ITGA2: variants seen among roughly 807,000 people sequenced by gnomAD.
ITGA2 encodes integrin alpha-2.
In ITGA2, 101 loss-of-function variants were observed where a neutral mutation model predicts 146.3. The ratio of observed to expected loss-of-function variants is 0.69; its 90% CI spans 0.59 to 0.81. ITGA2 has a LOEUF of 0.81. ITGA2 is among the 40% of genes least tolerant of loss of function. ITGA2 has a pLI of 0.00. For missense variants in ITGA2, 1,281 were observed against 1,402.7 expected, an observed-to-expected ratio of 0.91 and a Z score of 1.39; for synonymous variants, 477 against 487.1, an observed-to-expected ratio of 0.98 and a Z score of 0.27.
At chr5:53,013,949 A>G (rs975346860) in intron 1 of ITGA2, among the ~76,000 whole-genome samples, 2 of 152,052 alleles carry the variant, frequency 1.3e-5, no homozygotes, top group Admixed American at 6.6e-5. Context: ...TTGTATGTCA[A>G]TCTTGTATCC....
chr5:53,055,737 T>G (rs1367477655), intron 8 of ITGA2, 49 bp downstream of exon 8: 11 of 1,599,558 alleles, frequency 6.9e-6, no homozygotes, highest in Non-Finnish European at 8.6e-6. Flanking sequence ...GGTAAATCTT[T>G]CTTTATAGCA....
chr5:53,013,292 G>T (rs1422420746), intron 1 of ITGA2, among the ~76,000 whole-genome samples: 1 of 151,564 alleles, frequency 6.6e-6, no homozygotes, highest in Non-Finnish European at 1.5e-5. Context: ...TAAGGAAGGG[G>T]TCCATTATCA....
intron 1 of ITGA2, among the ~76,000 whole-genome samples, chr5:52,993,669 G>A (rs930255306): frequency 1.3e-5 from 2 of 152,178 alleles, no homozygotes; most frequent in Non-Finnish European, 2.9e-5. Context: ...AAAGAGATGA[G>A]CTTCTCATGA....
chr5:53,074,295 ATGCCACTG>A, intron 20 of ITGA2, 82 bp from the exon 21 acceptor site: 1 of 976,950 alleles, frequency 1.0e-6, no homozygotes, highest in Non-Finnish European at 1.6e-6. Context: ...TACTGCTAAA[ATGCCACTG>A]TACCTCTTTT....
At position 53,059,924 on chromosome 5, in the gene ITGA2, T is replaced by C. The variant is rs1402256015; in HGVS notation, c.1224T>C (p.Ile408=). 1.2e-6 allele frequency: 2 copies of C among 1,612,334 alleles called. No homozygotes were observed. The highest frequency in any genetic ancestry group is 3.3e-4 in the Middle Eastern group (2 of 6,046). Residue 408 remains isoleucine (I), a synonymous_variant, in exon 11 of 30, where the codon ATT becomes ATC. Coordinates refer to ENST00000296585, the MANE Select transcript of ITGA2 (RefSeq NM_002203.4). ...GAGCTTTTGGCTGGAGTGGGACCAT[T>C]GTCCAGAAGACATCTCATGGCCATT... The part of the protein sequence containing the change: ...AVGAFGWSGT[I]VQKTSHGHLI...
intron 1 of ITGA2, among the ~76,000 whole-genome samples, chr5:53,025,299 T>A (rs1742886500): frequency 6.6e-6 from 1 of 152,186 alleles, no homozygotes; most frequent in Non-Finnish European, 1.5e-5. Context: ...TTTTTTATTA[T>A]TCAAAAATAA....
At chr5:53,018,234 T>A (rs1742495148) in intron 1 of ITGA2, among the ~76,000 whole-genome samples, 2 of 152,178 alleles carry the variant, frequency 1.3e-5, no homozygotes, top group African/African-American at 4.8e-5. Flanking sequence ...CCTTGAGGGA[T>A]GGGCGTTCTT....
At position 53,059,989 on chromosome 5, in the gene ITGA2, A is replaced by T; in HGVS notation, c.1289A>T (p.Asp430Val). Residue 430 changes from aspartate to valine, a missense_variant, in exon 11 of 30, where the codon GAC becomes GTC. By Grantham distance (152) the Asp-to-Val change is radical. This residue lies in a region of ITGA2 where 795 missense variants were observed against 841.7 expected (regional missense o/e 0.94). Transcript: ENST00000296585. ...PKQAFDQILQDRNHSSYLGYS... is the reference protein window; with the variant it reads ...PKQAFDQILQVRNHSSYLGYS... The stretch of plus-strand genomic sequence containing the variant: ...CAAGCCTTTGACCAAATTCTGCAGG[A>T]CAGAAATCACAGTTCATATTTAGGT... 1 of 1,612,286 alleles carries T rather than the reference A, an allele frequency of 6.2e-7. No homozygotes were observed. The highest frequency in any genetic ancestry group is 1.7e-5 in the Admixed American group (1 of 59,820).
intron 2 of ITGA2, among the ~76,000 whole-genome samples, chr5:53,033,511 A>G (rs11955860): frequency 0.66 from 99,736 of 151,866 alleles, 33,009 homozygotes; most frequent in South Asian, 0.71. Context: ...AAAGTCTCTT[A>G]CCATTAGGTT....
chr5:53,068,211 A>G (rs1745231437), intron 16 of ITGA2, among the ~76,000 whole-genome samples: 1 of 151,952 alleles, frequency 6.6e-6, no homozygotes, highest in Non-Finnish European at 1.5e-5. Flanking sequence ...AAGCAAAATT[A>G]GATTCAAATC....
intron 25 of ITGA2, 120 bp downstream of exon 25, chr5:53,080,741 T>G (rs1745883728): frequency 2.6e-6 from 2 of 763,248 alleles, no homozygotes; most frequent in East Asian, 5.0e-5. Flanking sequence ...CTATGCAGCC[T>G]GGGTGCCAAC....
At chr5:53,012,641 G>A (rs1027008664) in intron 1 of ITGA2, among the ~76,000 whole-genome samples, 1 of 152,098 alleles carries the variant, frequency 6.6e-6, no homozygotes, top group African/African-American at 2.4e-5. Flanking sequence ...TGGGTCAAAT[G>A]ATAATTGTGT....
In ITGA2 at chr5:53,056,017, A is replaced by G. The variant is rs765783228; in HGVS notation, c.964A>G (p.Thr322Ala). Residue 322 changes from threonine (T) to alanine (A), a missense_variant, in exon 9 of 30, where the codon ACT becomes GCT. Physicochemically the swap from Thr to Ala is moderately conservative, Grantham distance 58 (BLOSUM62 0). This residue lies in a region of ITGA2 where 795 missense variants were observed against 841.7 expected (regional missense o/e 0.94). Transcript: ENST00000296585. ...GTACTTAAACAGAAACGCCCTTGAT[A>G]CTAAAAATTTAATAAAAGAAATAAA... Reference protein sequence around the residue: ...LGYLNRNALDTKNLIKEIKAI... With the variant: ...LGYLNRNALDAKNLIKEIKAI... 7 of 1,609,256 alleles carry G rather than the reference A, an allele frequency of 4.3e-6. No individual in the cohort carries two copies. Among genetic ancestry groups the G allele is most frequent in the Non-Finnish European group, 5.9e-6 (7 of 1,178,034 alleles).
At chr5:53,028,127 T>C (rs747960726) in intron 2 of ITGA2, among the ~76,000 whole-genome samples, 34 of 152,184 alleles carry the variant, frequency 2.2e-4, no homozygotes, top group Admixed American at 6.5e-5. Context: ...TAAGCCTTTT[T>C]TTCTGTGTGA....
intron 16 of ITGA2, among the ~76,000 whole-genome samples, 170 bp from the exon 17 acceptor site, chr5:53,069,939 T>A (rs1650673667): frequency 6.6e-6 from 1 of 151,922 alleles, no homozygotes; most frequent in Admixed American, 6.6e-5. Context: ...AGAGCTAGAA[T>A]GACAAATGCT....
chr5:53,018,497 C>G (rs1295124562), intron 1 of ITGA2, among the ~76,000 whole-genome samples: 2 of 151,662 alleles, frequency 1.3e-5, no homozygotes, highest in Admixed American at 6.6e-5. Flanking sequence ...GCTTTCTCCC[C>G]CTTCAGCCCA....
At chr5:52,989,635 T>G in intron 1 of ITGA2, 103 bp downstream of exon 1, 1 of 1,245,234 alleles carries the variant, frequency 8.0e-7, no homozygotes. Context: ...GCTCCGTGTG[T>G]TCCCTCGGAT....
intron 2 of ITGA2, among the ~76,000 whole-genome samples, chr5:53,030,593 G>T (rs1743178558): frequency 6.6e-6 from 1 of 152,176 alleles, no homozygotes; most frequent in Non-Finnish European, 1.5e-5. Flanking sequence ...AGTCTGTCTG[G>T]GTCCTTTTGT....
intron 1 of ITGA2, among the ~76,000 whole-genome samples, chr5:53,007,238 G>GT (rs905651323): frequency 6.6e-6 from 1 of 152,116 alleles, no homozygotes; most frequent in African/African-American, 2.4e-5. Context: ...GTACACTACA[G>GT]TAAGAGCTGC....
Sources: gnomAD v4.1 joint callset for allele counts (sites outside exome capture counted in the v4.1 genomes callset) on GRCh38, gnomAD v4.1.1 for gene constraint, gnomAD v4.1.1 regional missense constraint, MANE v1.5 for transcripts, NCBI Gene and HGNC (gene_info 2026-07-23, HGNC 2026-07-21) for gene names.